UMOD: variants seen among roughly 807,000 people sequenced by gnomAD.
UMOD encodes the protein uromodulin.
UMOD carries 64 observed loss-of-function variants against 66.0 expected under a neutral mutation model. The ratio of observed to expected loss-of-function variants is 0.97; its 90% CI spans 0.79 to 1.19. The LOEUF (loss-of-function observed/expected upper bound fraction) is 1.19, where lower values mean the gene tolerates loss of function less well. UMOD is among the 50% of genes most tolerant of loss of function. UMOD has a pLI of 0.00. For synonymous variants in UMOD, 398 were observed against 352.7 expected, an observed-to-expected ratio of 1.13 and a Z score of -1.44; for missense variants, 764 against 850.9, an observed-to-expected ratio of 0.90 and a Z score of 1.27.
intron 10 of UMOD, 45 bp downstream of exon 10, chr16:20,335,437 G>A (rs1964815692): frequency 6.3e-7 from 1 of 1,598,824 alleles, no homozygotes; most frequent in South Asian, 1.1e-5. Context: ...AGCCCCCCAG[G>A]AGAGTTCTGG....
In UMOD at chr16:20,350,770, A is replaced by C; in HGVS notation, c.-33T>G. Reference sequence around the variant, plus strand: ...GCTCTTCCCGCTACTTCAGGTCTAGATAGCACCTGCCCAAAGGAAAGACGG... The same window carrying C: ...GCTCTTCCCGCTACTTCAGGTCTAGCTAGCACCTGCCCAAAGGAAAGACGG... On this transcript the variant is annotated 5_prime_UTR_variant, in exon 2 of 11. Coordinates refer to ENST00000396138, the MANE Select transcript of UMOD (RefSeq NM_003361.4). The C allele has an allele frequency of 6.2e-7, 1 of 1,614,012 alleles. No homozygotes were observed. The highest frequency in any genetic ancestry group is 8.5e-7 in the Non-Finnish European group (1 of 1,179,940).
At chr16:20,336,419 G>A (rs1964872650) in intron 9 of UMOD, among the ~76,000 whole-genome samples, 1 of 152,160 alleles carries the variant, frequency 6.6e-6, no homozygotes, top group African/African-American at 2.4e-5. Context: ...GGCCTCCCCC[G>A]TGTCCTGTGT....
intron 4 of UMOD, 38 bp downstream of exon 4, chr16:20,348,185 G>T (rs773058565): frequency 2.5e-6 from 4 of 1,581,864 alleles, no homozygotes; most frequent in Non-Finnish European, 3.5e-6. Flanking sequence ...GGCAGTGACA[G>T]GTTTCTCAAC....
At chr16:20,349,991 C>T in intron 2 of UMOD, 1 of 1,078,774 alleles carries the variant, frequency 9.3e-7, no homozygotes, top group East Asian at 2.7e-5. Flanking sequence ...TTCCCAAGGG[C>T]CTCGTGAGGT....
intron 7 of UMOD, among the ~76,000 whole-genome samples, chr16:20,340,472 G>GTATATATATATATA (rs10533543): frequency 8.9e-6 from 1 of 112,526 alleles, no homozygotes; most frequent in Non-Finnish European, 1.8e-5. Flanking sequence ...GTGTGTGTGT[G>GTATATATATATATA]TATATATATA....
chr16:20,346,054 A>C, intron 5 of UMOD, 72 bp downstream of exon 5: 1 of 1,458,362 alleles, frequency 6.9e-7, no homozygotes, highest in Non-Finnish European at 9.5e-7. Flanking sequence ...AGCTTCTATA[A>C]CTAGGAAGTG....
upstream of UMOD, among the ~76,000 whole-genome samples, chr16:20,354,749 C>A (rs1966006205): frequency 6.6e-6 from 1 of 152,052 alleles, no homozygotes; most frequent in Non-Finnish European, 1.5e-5. Flanking sequence ...GGTGCTTGTA[C>A]ATTTTGGGGC....
chr16:20,353,763 T>C (rs1470424784), upstream of UMOD, among the ~76,000 whole-genome samples: 1 of 151,810 alleles, frequency 6.6e-6, no homozygotes, highest in Non-Finnish European at 1.5e-5. Context: ...CATTGATCTT[T>C]TTTTTTTTTA....
At chr16:20,354,332 A>G (rs13333226), upstream of UMOD, among the ~76,000 whole-genome samples, 35,090 of 151,980 alleles carry the variant, frequency 0.23, 4,388 homozygotes, top group African/African-American at 0.33. Context: ...CAGCTGTAGG[A>G]ATATTGACTC....
chr16:20,347,597 A>G (rs1259715387), intron 4 of UMOD, among the ~76,000 whole-genome samples: 6 of 152,220 alleles, frequency 3.9e-5, no homozygotes, highest in African/African-American at 1.4e-4. Context: ...GACCATCAAC[A>G]TTCCAAATTT....
chr16:20,345,535 C>T (rs948569609), intron 5 of UMOD, among the ~76,000 whole-genome samples: 21 of 123,650 alleles, frequency 1.7e-4, no homozygotes, highest in Middle Eastern at 4.9e-3. Context: ...TTCCTTCCTT[C>T]CCTCTCTCTC....
chr16:20,349,946 G>T, intron 2 of UMOD: 2 of 1,439,464 alleles, frequency 1.4e-6, no homozygotes, highest in Non-Finnish European at 1.8e-6. Flanking sequence ...CAGGCAATAG[G>T]ATGTGCACTT....
Position 20,351,185 on chromosome 16 carries a change from A to G in UMOD, c.-102-346T>C, listed in dbSNP as rs781615259. 14 of 251,120 alleles carry G rather than the reference A, an allele frequency of 5.6e-5. No homozygotes were observed. The Admixed American group carries it at 6.5e-4, about 12-fold the overall frequency. 15.6% of individuals were successfully genotyped at this position (251,120 alleles called of 1,614,324 possible). A position where few individuals can be genotyped will look rare whatever the true frequency, so the allele number is the denominator to read the frequency against. On this transcript the variant is annotated intron_variant, in intron 1 of 10. Coordinates refer to ENST00000396138, the MANE Select transcript of UMOD (RefSeq NM_003361.4). ...CTGATCCTCTGCCTGGAAACTTTCA[A>G]TTTGCCTGGATCACTTATTCATTCA...
Position 20,349,051 on chromosome 16 carries a change from C to T in UMOD, c.250G>A (p.Val84Ile), listed in dbSNP as rs763212690. The part of the protein sequence containing the change: ...AHNCSANSSC[V>I]NTPGSFSCVC... ...CAGGAGAAGGAGCCTGGCGTGTTTA[C>T]GCAGCTGCTGTTGGCGGAGCAGTTG... Residue 84 changes from valine to isoleucine, a missense_variant, in exon 3 of 11, where the codon GTA becomes ATA. Physicochemically the swap from Val to Ile is conservative, Grantham distance 29. Coordinates refer to ENST00000396138, the MANE Select transcript of UMOD (RefSeq NM_003361.4). 1.2e-6 allele frequency: 2 copies of T among 1,605,556 alleles called. No homozygotes were observed. Among genetic ancestry groups the T allele is most frequent in the Middle Eastern group, 1.7e-4 (1 of 6,056 alleles).
Position 20,336,742 on chromosome 16 carries a change from C to T in UMOD, c.1741-15G>A. ...CCAGAGCAGGTCTACAGGGAGAGGG[C>T]AATAGAAAAACACCCTCCATGAAGG... On this transcript the variant is annotated splice_polypyrimidine_tract_variant and intron_variant, in intron 8 of 10. Transcript: ENST00000396138. The T allele has an allele frequency of 2.5e-6, 4 of 1,612,726 alleles. No individual in the cohort carries two copies. In the Admixed American group the frequency reaches 5.0e-5, roughly 20 times the overall value.
At position 20,344,109 on chromosome 16, in the gene UMOD, C is replaced by T. The variant is rs764920019; in HGVS notation, c.1246G>A (p.Asp416Asn). 17 of 1,612,802 alleles carry T rather than the reference C, an allele frequency of 1.1e-5. No homozygotes were observed. The highest frequency in any genetic ancestry group is 1.4e-5 in the Non-Finnish European group (17 of 1,179,890). ...LYLADEIIIR[D>N]LNIKINFACS... ...GCAAAGTTGATTTTGATGTTGAGGTCACGGATGATGATCTCATCTGCCAGG... is the reference window on the plus strand; with the variant it reads ...GCAAAGTTGATTTTGATGTTGAGGTTACGGATGATGATCTCATCTGCCAGG... Residue 416 changes from aspartate (D) to asparagine (N), a missense_variant, in exon 6 of 11, where the codon GAC becomes AAC. Physicochemically the swap from Asp to Asn is conservative, Grantham distance 23. Coordinates refer to ENST00000396138, the MANE Select transcript of UMOD (RefSeq NM_003361.4).
intron 7 of UMOD, among the ~76,000 whole-genome samples, chr16:20,340,642 G>C (rs897120951): frequency 2.6e-5 from 4 of 152,016 alleles, no homozygotes; most frequent in Non-Finnish European, 5.9e-5. Flanking sequence ...GTAGTTTGTT[G>C]CCTGTATTTA....
chr16:20,335,018 G>C (rs1319926320), intron 10 of UMOD, among the ~76,000 whole-genome samples: 1 of 151,922 alleles, frequency 6.6e-6, no homozygotes, highest in African/African-American at 2.4e-5. Context: ...AGTAGAGATG[G>C]GGTTTCACCA....
At chr16:20,348,369 C>T (rs777422876) in intron 3 of UMOD, 39 bp from the exon 4 acceptor site, 3 of 1,614,154 alleles carry the variant, frequency 1.9e-6, no homozygotes, top group Non-Finnish European at 2.5e-6. Context: ...TCAATAAGGA[C>T]GCACCCCCGT....
Sources: allele counts gnomAD v4.1 joint callset (sites outside exome capture counted in the v4.1 genomes callset), GRCh38; gene constraint gnomAD v4.1.1; transcripts MANE v1.5; gene names NCBI Gene and HGNC (gene_info 2026-07-23, HGNC 2026-07-21).